NYNRIN: variants seen among roughly 807,000 people sequenced by gnomAD.
NYNRIN encodes NYN domain and retroviral integrase containing.
A neutral mutation model predicts 146.6 loss-of-function variants in NYNRIN; 86 were observed. That is an observed-to-expected ratio of 0.59 (90% CI 0.49 to 0.70). The LOEUF (loss-of-function observed/expected upper bound fraction) is 0.70, where lower values mean the gene tolerates loss of function less well. Ranked by LOEUF, NYNRIN falls within the 30% of genes least tolerant of loss-of-function variation. The pLI is 0.00. For missense variants in NYNRIN, 2,191 were observed against 2,377.7 expected (o/e 0.92, Z 1.63); for synonymous variants, 1,027 against 1,001.3 (o/e 1.03, Z -0.48).
At chr14:24,413,259 G>C (rs2042923467) in intron 7 of NYNRIN, 57 bp from the exon 8 acceptor site, 5 of 1,523,748 alleles carry the variant, frequency 3.3e-6, no homozygotes, top group Non-Finnish European at 4.5e-6. Flanking sequence ...GGCGACAACA[G>C]GGTGTGGGTG....
intron 2 of NYNRIN, among the ~76,000 whole-genome samples, chr14:24,400,674 G>A (rs2042836238): frequency 6.6e-6 from 1 of 152,208 alleles, no homozygotes; most frequent in Admixed American, 6.5e-5. Flanking sequence ...TTTAGAAGCC[G>A]GGGTAGGGTA....
intron 2 of NYNRIN, among the ~76,000 whole-genome samples, chr14:24,405,217 G>A (rs2042869813): frequency 6.6e-6 from 1 of 152,078 alleles, no homozygotes; most frequent in South Asian, 2.1e-4. Flanking sequence ...ATCCTGCAGT[G>A]TAAATTGGGG....
chr14:24,400,845 G>A (rs2042837896), intron 2 of NYNRIN, among the ~76,000 whole-genome samples: 2 of 150,350 alleles, frequency 1.3e-5, no homozygotes, highest in Admixed American at 6.6e-5. Flanking sequence ...GTGCAATGGC[G>A]TGGTCTTGGC....
rs138145075 is a variant in NYNRIN, at chr14:24,404,005, A to G, written c.199-3864A>G. Among the ~76,000 whole-genome samples, 650 of 152,228 alleles carry G rather than the reference A, an allele frequency of 4.3e-3. 5 individuals are homozygous for G. The highest frequency in any genetic ancestry group is 0.015 in the African/African-American group (621 of 41,538). ...CTCTGGAAGTTGTCAGTTTTCCCCA[A>G]TGTTCTGCAGTCTCCCAGTGAGGCC... On this transcript the variant is annotated intron_variant, in intron 2 of 8. Coordinates refer to ENST00000382554, the MANE Select transcript of NYNRIN (RefSeq NM_025081.3).
At chr14:24,410,952 T>C in intron 4 of NYNRIN, 124 bp from the exon 5 acceptor site, 1 of 1,179,416 alleles carries the variant, frequency 8.5e-7, no homozygotes, top group Non-Finnish European at 1.2e-6. Flanking sequence ...TGTCTGAGTA[T>C]GGAGGGAAGG....
In NYNRIN at chr14:24,408,881, G is replaced by T. The variant is rs772910282; in HGVS notation, c.1087G>T (p.Ala363Ser). Residue 363 changes from alanine to serine, a missense_variant, in exon 4 of 9, where the codon GCT becomes TCT. Physicochemically the swap from Ala to Ser is moderately conservative, Grantham distance 99. Coordinates refer to ENST00000382554, the MANE Select transcript of NYNRIN (RefSeq NM_025081.3). The part of the protein sequence containing the change: ...GPAFGPLWPG[A>S]IAATFWRINE... ...AGCCTTTGGGCCATTGTGGCCGGGG[G>T]CTATTGCTGCAACCTTCTGGAGGAT... 1 of 1,613,906 alleles carries T rather than the reference G, an allele frequency of 6.2e-7. No individual in the cohort carries two copies. Among genetic ancestry groups the T allele is most frequent in the Non-Finnish European group, 8.5e-7 (1 of 1,179,890 alleles).
Position 24,416,702 on chromosome 14 carries a change from G to A in NYNRIN, c.4953G>A (p.Leu1651=). ...CCAGGTGGGTGGAGGCATTCCCCCT[G>A]AAGCCCTACACACACACGGCTGTGG... The part of the protein sequence containing the change: ...PNTRWVEAFP[L]KPYTHTAVAQ... Residue 1651 remains leucine, a synonymous_variant, in exon 9 of 9, where the codon CTG becomes CTA. Coordinates refer to ENST00000382554, the MANE Select transcript of NYNRIN (RefSeq NM_025081.3). 1 of 1,613,904 alleles carries A rather than the reference G, an allele frequency of 6.2e-7. No homozygotes were observed. Among genetic ancestry groups the A allele is most frequent in the Non-Finnish European group, 8.5e-7 (1 of 1,179,860 alleles).
At chr14:24,402,618 G>A (rs1353484269) in intron 2 of NYNRIN, among the ~76,000 whole-genome samples, 1 of 152,152 alleles carries the variant, frequency 6.6e-6, no homozygotes, top group Non-Finnish European at 1.5e-5. Context: ...TGGACCCACT[G>A]TTAAAATTTC....
chr14:24,409,320 A>G lies in NYNRIN; in HGVS notation c.1526A>G (p.Glu509Gly). The G allele has an allele frequency of 1.9e-6, 3 of 1,614,070 alleles. No individual in the cohort carries two copies. The highest frequency in any genetic ancestry group is 1.7e-5 in the Admixed American group (1 of 60,036). Reference sequence around the variant, plus strand: ...ATGCAGTTAGATTTTAAGGGACTGGAAGAGGGACCCGCTCCAGTGCTGCCA... The same window carrying G: ...ATGCAGTTAGATTTTAAGGGACTGGGAGAGGGACCCGCTCCAGTGCTGCCA... ...GSMQLDFKGLEEGPAPVLPTG... is the reference protein window; with the variant it reads ...GSMQLDFKGLGEGPAPVLPTG... The change falls in exon 4 of 9, where the codon GAA (glutamate) becomes GGA (glycine). Residue 509 changes from glutamate to glycine, a missense_variant. By Grantham distance (98) the Glu-to-Gly change is moderately conservative (BLOSUM62 -2). This residue lies in a region of NYNRIN where 895 missense variants were observed against 941.2 expected (regional missense o/e 0.95). Coordinates refer to ENST00000382554, the MANE Select transcript of NYNRIN (RefSeq NM_025081.3).
rs2042968556 is a variant in NYNRIN at position 24,419,174 on chromosome 14, C to T, written c.*1728C>T. 1 of 152,324 alleles carries T rather than the reference C, an allele frequency of 6.6e-6. No homozygotes were observed. Among genetic ancestry groups the T allele is most frequent in the African/African-American group, 2.4e-5 (1 of 41,444 alleles). The allele number at this position is 152,324 out of a possible 1,614,324, so 9.4% of individuals were successfully genotyped here. A position where few individuals can be genotyped will look rare whatever the true frequency, so the allele number is the denominator to read the frequency against. On this transcript the variant is annotated 3_prime_UTR_variant, in exon 9 of 9. Coordinates refer to ENST00000382554, the MANE Select transcript of NYNRIN (RefSeq NM_025081.3). ...GTAATGGTATGTCCAGCCTCACTCT[C>T]CCTCCCTGGTGCTGTATGCGTTCCC...
chr14:24,400,194 A>T (rs1430714624), intron 2 of NYNRIN, among the ~76,000 whole-genome samples: 1 of 152,086 alleles, frequency 6.6e-6, no homozygotes, highest in East Asian at 1.9e-4. Flanking sequence ...GAGGAGGGCT[A>T]TGGGTTTTCA....
chr14:24,414,952 C>G lies in NYNRIN; in HGVS notation c.3203C>G (p.Pro1068Arg). ...GCAGCTTCTCCCTACCTGGGCATCC[C>G]CTGGGATGGAAAGGCTCCCTGCCAG... ...PGAASPYLGIPWDGKAPCQQV... is the reference protein window; with the variant it reads ...PGAASPYLGIRWDGKAPCQQV... The change falls in exon 9 of 9, where the codon CCC becomes CGC. Residue 1068 changes from proline (P) to arginine (R), a missense_variant. Physicochemically the swap from Pro to Arg is moderately radical, Grantham distance 103. Coordinates refer to ENST00000382554, the MANE Select transcript of NYNRIN (RefSeq NM_025081.3). The G allele has an allele frequency of 1.3e-6, 2 of 1,596,008 alleles. No individual in the cohort carries two copies. The highest frequency in any genetic ancestry group is 1.7e-6 in the Non-Finnish European group (2 of 1,166,974).
chr14:24,414,451 C>A, intron 8 of NYNRIN, 145 bp from the exon 9 acceptor site: 2 of 1,240,464 alleles, frequency 1.6e-6, no homozygotes. Context: ...TAGGCAGGGG[C>A]CCAATTGTGC....
chr14:24,417,137 G>A lies in NYNRIN; in HGVS notation c.5388G>A (p.Glu1796=), dbSNP rs1213768972. Residue 1796 remains glutamate, a synonymous_variant, in exon 9 of 9, where the codon GAG becomes GAA. Transcript: ENST00000382554. The part of the protein sequence containing the change: ...MDVFLLQLVG[E]LLELHWRVAD... ...TCTTCCTGCTACAGCTGGTGGGGGAGCTGCTGGAGCTCCACTGGAGGGTGG... is the reference window on the plus strand; with the variant it reads ...TCTTCCTGCTACAGCTGGTGGGGGAACTGCTGGAGCTCCACTGGAGGGTGG... 5 of 1,613,898 alleles carry A rather than the reference G, an allele frequency of 3.1e-6. No homozygotes were observed. The South Asian group carries it at 3.3e-5, about 11-fold the overall frequency.
At position 24,415,468 on chromosome 14, in the gene NYNRIN, C is replaced by T. The variant is rs377707810; in HGVS notation, c.3719C>T (p.Ala1240Val). 4.0e-5 allele frequency: 64 copies of T among 1,613,896 alleles called. No homozygotes were observed. Among genetic ancestry groups the T allele is most frequent in the East Asian group, 3.3e-4 (15 of 44,874 alleles). The stretch of plus-strand genomic sequence containing the variant: ...CTTTCCTATGCCTCCCGGACCACTG[C>T]GGACCCTGAGGTGCGGGAGGGCCGC... ...LDLSYASRTT[A>V]DPEVREGRRV... is the part of the protein sequence containing the mutation. Residue 1240 changes from alanine (A) to valine (V), a missense_variant, in exon 9 of 9, where the codon GCG becomes GTG. Around this residue, in one of 3 missense-constraint regions of NYNRIN, gnomAD observed 1,291 missense variants for 1,417.0 expected, o/e 0.91. Transcript: ENST00000382554.
chr14:24,408,186 C>A lies in NYNRIN; in HGVS notation c.516C>A (p.Asp172Glu). 1 of 1,600,596 alleles carries A rather than the reference C, an allele frequency of 6.2e-7. No homozygotes were observed. Among genetic ancestry groups the A allele is most frequent in the Non-Finnish European group, 8.5e-7 (1 of 1,176,644 alleles). Residue 172 changes from aspartate (D) to glutamate (E), a missense_variant, in exon 3 of 9, where the codon GAC (aspartate) becomes GAA (glutamate). Physicochemically the swap from Asp to Glu is conservative, Grantham distance 45 (BLOSUM62 2). This residue lies in a region of NYNRIN where 895 missense variants were observed against 941.2 expected (regional missense o/e 0.95). Coordinates refer to ENST00000382554, the MANE Select transcript of NYNRIN (RefSeq NM_025081.3). ...AFGALVWIRGDQHAGDLLQLP... is the reference protein window; with the variant it reads ...AFGALVWIRGEQHAGDLLQLP... ...GGGCCCTGGTCTGGATCCGTGGTGA[C>A]CAGCATGCAGGGGACCTACTGCAGC...
At position 24,399,106 on chromosome 14, in the gene NYNRIN, G is replaced by A. The variant is rs2139338955; in HGVS notation, c.-18+20G>A. On this transcript the variant is annotated intron_variant, in intron 1 of 8. Transcript: ENST00000382554. ...TGCGGGGTGGGTCCCGCCGCCTGGAGGAAGGAGGCCGTGCGGGGGGCGCGC... is the reference window on the plus strand; with the variant it reads ...TGCGGGGTGGGTCCCGCCGCCTGGAAGAAGGAGGCCGTGCGGGGGGCGCGC... 1.3e-6 allele frequency: 1 copy of A among 761,644 alleles called. No homozygotes were observed. Among genetic ancestry groups the A allele is most frequent in the Non-Finnish European group, 2.0e-6 (1 of 494,372 alleles). The allele number at this position is 761,644 out of a possible 1,614,324, so 47.2% of individuals were successfully genotyped here. A position where few individuals can be genotyped will look rare whatever the true frequency, so the allele number is the denominator to read the frequency against.
chr14:24,399,150 T>A (rs1036822558), intron 1 of NYNRIN, 64 bp downstream of exon 1: 2 of 1,172,242 alleles, frequency 1.7e-6, no homozygotes, highest in African/African-American at 1.6e-5. Flanking sequence ...GGAGGGGGCG[T>A]GGCTTAGGCG....
intron 6 of NYNRIN, among the ~76,000 whole-genome samples, chr14:24,412,065 G>A (rs1594741531): frequency 1.3e-5 from 2 of 152,134 alleles, no homozygotes; most frequent in East Asian, 1.9e-4. Flanking sequence ...GATGCTGGGC[G>A]GACAGAGATC....
Sources: gnomAD v4.1 joint callset for allele counts (sites outside exome capture counted in the v4.1 genomes callset) on GRCh38, gnomAD v4.1.1 for gene constraint, gnomAD v4.1.1 regional missense constraint, MANE v1.5 for transcripts, NCBI Gene and HGNC (gene_info 2026-07-23, HGNC 2026-07-21) for gene names.